Variants in PPM1L observed in about 807,000 individuals in gnomAD.
PPM1L encodes the protein protein phosphatase 1L.
Under a neutral mutation model 31.4 loss-of-function variants are expected in PPM1L, and 13 were observed. That is an observed-to-expected ratio of 0.41 (90% CI 0.27 to 0.66). PPM1L has a LOEUF of 0.66. PPM1L is among the 30% of genes least tolerant of loss of function. The pLI, the probability that PPM1L is intolerant of heterozygous loss-of-function variation, is 0.29. For missense variants in PPM1L, 326 were observed against 453.7 expected (o/e 0.72, Z 2.56); for synonymous variants, 184 against 175.4 (o/e 1.05, Z -0.39).
intron 2 of PPM1L, among the ~76,000 whole-genome samples, chr3:161,044,259 T>G (rs1187026736): frequency 6.6e-6 from 1 of 152,058 alleles, no homozygotes; most frequent in Non-Finnish European, 1.5e-5. Context: ...AGACTGGTCT[T>G]GAACTCCTGA....
At chr3:160,803,583 A>G (rs1712502011) in intron 1 of PPM1L, among the ~76,000 whole-genome samples, 1 of 150,070 alleles carries the variant, frequency 6.7e-6, no homozygotes, top group African/African-American at 2.5e-5. Context: ...ATGGTATGTC[A>G]GACAAGTTTA....
At chr3:160,762,583 T>C (rs914535001) in intron 1 of PPM1L, among the ~76,000 whole-genome samples, 1 of 152,188 alleles carries the variant, frequency 6.6e-6, no homozygotes, top group African/African-American at 2.4e-5. Context: ...ATAGCAGAGT[T>C]ACAAGATGCC....
chr3:160,822,038 C>T (rs1713216923), intron 1 of PPM1L, among the ~76,000 whole-genome samples: 1 of 151,656 alleles, frequency 6.6e-6, no homozygotes, highest in Non-Finnish European at 1.5e-5. Flanking sequence ...TACCATATAC[C>T]CTCTAGGCCT....
At chr3:161,043,021 A>G (rs1718955726) in intron 2 of PPM1L, among the ~76,000 whole-genome samples, 1 of 131,924 alleles carries the variant, frequency 7.6e-6, no homozygotes, top group Non-Finnish European at 1.6e-5. Flanking sequence ...TTCTGTCTCA[A>G]AAAAAAAAAA....
chr3:160,872,495 AT>A (rs1712348709), intron 1 of PPM1L, among the ~76,000 whole-genome samples: 2 of 152,198 alleles, frequency 1.3e-5, no homozygotes, highest in South Asian at 4.1e-4. Flanking sequence ...GGAAGTTTAA[AT>A]TTTCTCCATT....
At chr3:160,833,465 C>CTGTTGTTTT (rs1713585723) in intron 1 of PPM1L, among the ~76,000 whole-genome samples, 1 of 152,056 alleles carries the variant, frequency 6.6e-6, no homozygotes, top group East Asian at 1.9e-4. Context: ...TTTTAATAAT[C>CTGTTGTTTT]ACTATTCTGA....
chr3:160,909,073 A>G (rs983905033), intron 1 of PPM1L, among the ~76,000 whole-genome samples: 1 of 152,234 alleles, frequency 6.6e-6, no homozygotes, highest in African/African-American at 2.4e-5. Flanking sequence ...TAAATTGTCA[A>G]GGTCCTGAGT....
chr3:161,046,111 A>G (rs1444326459), intron 2 of PPM1L, among the ~76,000 whole-genome samples: 4 of 20,090 alleles, frequency 2.0e-4, no homozygotes, highest in Non-Finnish European at 4.0e-4. Flanking sequence ...ACTCTGTCTC[A>G]AAAAAAAAAA....
chr3:160,859,863 T>C (rs978761337), intron 1 of PPM1L, among the ~76,000 whole-genome samples: 5 of 152,178 alleles, frequency 3.3e-5, no homozygotes, highest in African/African-American at 1.2e-4. Flanking sequence ...GGTGGTGATG[T>C]CAAATAAGAA....
At chr3:160,956,163 C>T (rs1715768998) in intron 1 of PPM1L, among the ~76,000 whole-genome samples, 1 of 152,148 alleles carries the variant, frequency 6.6e-6, no homozygotes, top group Admixed American at 6.5e-5. Flanking sequence ...TTTCATTTAT[C>T]CTTCTTACCC....
chr3:160,825,046 T>C (rs1713313176), intron 1 of PPM1L, among the ~76,000 whole-genome samples: 1 of 152,084 alleles, frequency 6.6e-6, no homozygotes, highest in South Asian at 2.1e-4. Context: ...GCTCAAATGG[T>C]TAAACTATGT....
intron 1 of PPM1L, among the ~76,000 whole-genome samples, chr3:160,889,518 C>G (rs1273963259): frequency 6.6e-6 from 1 of 152,050 alleles, no homozygotes; most frequent in African/African-American, 2.4e-5. Flanking sequence ...AATGGCCTAC[C>G]AACCAAAAAA....
intron 2 of PPM1L, chr3:161,022,189 AAC>A: frequency 1.5e-6 from 1 of 674,302 alleles, no homozygotes; most frequent in East Asian, 2.7e-5. Flanking sequence ...GACTGCAAGT[AAC>A]ACCTTAGCTT....
chr3:161,048,757 AG>A (rs1436225930), intron 2 of PPM1L, among the ~76,000 whole-genome samples: 1 of 152,066 alleles, frequency 6.6e-6, no homozygotes, highest in African/African-American at 2.4e-5. Flanking sequence ...GCCATAAAAA[AG>A]GATGAGTTCA....
intron 1 of PPM1L, among the ~76,000 whole-genome samples, chr3:160,844,150 A>G (rs915431915): frequency 2.6e-5 from 4 of 152,198 alleles, no homozygotes; most frequent in Non-Finnish European, 4.4e-5. Context: ...TATTACTGTG[A>G]CTACACATCC....
chr3:160,896,611 C>T lies in PPM1L; in HGVS notation c.400-65125C>T, dbSNP rs79449627. 4.9e-4 allele frequency among the ~76,000 whole-genome samples: 75 copies of T among 152,166 alleles called. No individual in the cohort carries two copies. The East Asian group carries it at 8.7e-3, about 18-fold the overall frequency. ...CCTTTTAAAAAGTAAATGCAGAAGC[C>T]GTTGTGAGCAGTGATACTTCATGTT... On this transcript the variant is annotated intron_variant, in intron 1 of 3. Transcript: ENST00000498165.
At chr3:160,801,145 A>G (rs1197475062) in intron 1 of PPM1L, among the ~76,000 whole-genome samples, 1 of 150,040 alleles carries the variant, frequency 6.7e-6, no homozygotes, top group Admixed American at 6.6e-5. Context: ...ACACACACAC[A>G]CACACACACA....
intron 2 of PPM1L, among the ~76,000 whole-genome samples, chr3:160,992,626 A>G (rs897506104): frequency 6.6e-6 from 1 of 152,188 alleles, no homozygotes; most frequent in African/African-American, 2.4e-5. Flanking sequence ...CTCTCTTTGC[A>G]TGTTAACCAT....
chr3:160,868,570 T>TAAA (rs1712176034), intron 1 of PPM1L, among the ~76,000 whole-genome samples: 1 of 152,242 alleles, frequency 6.6e-6, no homozygotes, highest in South Asian at 2.1e-4. Context: ...TGTATTTCAA[T>TAAA]AAAAGTTTGG....
Sources: gnomAD v4.1 joint callset for allele counts (sites outside exome capture counted in the v4.1 genomes callset) on GRCh38, gnomAD v4.1.1 for gene constraint, MANE v1.5 for transcripts, NCBI Gene and HGNC (gene_info 2026-07-23, HGNC 2026-07-21) for gene names.